ADAMTS5: variants seen among roughly 807,000 people sequenced by gnomAD.
ADAMTS5 encodes A disintegrin and metalloproteinase with thrombospondin motifs 5.
In ADAMTS5, 54 loss-of-function variants were observed where a neutral mutation model predicts 81.4. The observed-to-expected ratio is 0.66, with a 90% CI of 0.53 to 0.83. The LOEUF (loss-of-function observed/expected upper bound fraction) is 0.83. Ranked by LOEUF, ADAMTS5 falls within the 40% of genes least tolerant of loss-of-function variation. The probability of loss-of-function intolerance (pLI) is 0.00; values close to 1 mark genes in which losing one functional copy is unlikely to be tolerated. For missense variants in ADAMTS5, 1,194 were observed against 1,229.9 expected, an observed-to-expected ratio of 0.97 and a Z score of 0.44; for synonymous variants, 532 against 508.8, an observed-to-expected ratio of 1.05 and a Z score of -0.61.
chr21:26,967,058 C>T lies in ADAMTS5; in HGVS notation c.-667G>A, dbSNP rs914292725. Among the ~76,000 whole-genome samples, 1 of 152,260 alleles carries T rather than the reference C, an allele frequency of 6.6e-6. No homozygotes were observed. Among genetic ancestry groups the T allele is most frequent in the Non-Finnish European group, 1.5e-5 (1 of 68,048 alleles). ...GCCCGCCGTCATCCCCAGTCGGCAG[C>T]TGCGAGCGCCGAGAGCAGCGCGAGC... On this transcript the variant is annotated 5_prime_UTR_variant, in exon 1 of 8. Coordinates refer to ENST00000284987, the MANE Select transcript of ADAMTS5 (RefSeq NM_007038.5).
In ADAMTS5 at chr21:26,965,356, G is replaced by A. The variant is rs1156367965; in HGVS notation, c.1036C>T (p.His346Tyr). The change falls in exon 1 of 8, where the codon CAC (histidine) becomes TAC (tyrosine). Residue 346 changes from histidine to tyrosine, a missense_variant. His to Tyr is a moderately conservative substitution (Grantham distance 83). Transcript: ENST00000284987. ...TCATCTCCCAGCTGGTTGTGTTGGT[G>A]CTGCCACTTGCAAAAGTTCTTGAGT... is the stretch of plus-strand genomic sequence containing the variant. Reference protein sequence around the residue: ...TTLKNFCKWQHQHNQLGDDHE... With the variant: ...TTLKNFCKWQYQHNQLGDDHE... 1 of 1,614,132 alleles carries A rather than the reference G, an allele frequency of 6.2e-7. No homozygotes were observed. The highest frequency in any genetic ancestry group is 8.5e-7 in the Non-Finnish European group (1 of 1,180,048).
At chr21:26,927,726 T>C (rs1176819060) in intron 7 of ADAMTS5, among the ~76,000 whole-genome samples, 1 of 152,120 alleles carries the variant, frequency 6.6e-6, no homozygotes, top group African/African-American at 2.4e-5. Flanking sequence ...TAGCCATGGC[T>C]TCCCTTGCTT....
At chr21:26,945,903 G>A (rs1458510599) in intron 2 of ADAMTS5, among the ~76,000 whole-genome samples, 2 of 152,156 alleles carry the variant, frequency 1.3e-5, no homozygotes, top group Non-Finnish European at 1.5e-5. Context: ...ACTTTTGTAA[G>A]ATCTCCAAAA....
chr21:26,959,714 G>T (rs1373885846), intron 1 of ADAMTS5, among the ~76,000 whole-genome samples: 2 of 152,128 alleles, frequency 1.3e-5, no homozygotes, highest in Non-Finnish European at 1.5e-5. Context: ...TGGAAGCACT[G>T]GATAAGAAAA....
chr21:26,958,671 G>T (rs907212067), intron 1 of ADAMTS5, among the ~76,000 whole-genome samples: 3 of 152,170 alleles, frequency 2.0e-5, no homozygotes, highest in African/African-American at 7.2e-5. Context: ...CCTACAATCT[G>T]CCAGACACTG....
chr21:26,964,614 G>A (rs527834918), intron 1 of ADAMTS5, among the ~76,000 whole-genome samples: 1 of 152,270 alleles, frequency 6.6e-6, no homozygotes, highest in South Asian at 2.1e-4. Context: ...AGTTGTTAAG[G>A]AACCTCACAA....
chr21:26,918,048 A>G lies in ADAMTS5; in HGVS notation c.*6005T>C, dbSNP rs1361624036. 1 of 152,398 alleles carries G rather than the reference A, an allele frequency of 6.6e-6. No homozygotes were observed. Among genetic ancestry groups the G allele is most frequent in the Non-Finnish European group, 1.5e-5 (1 of 67,914 alleles). The allele number at this position is 152,398 out of a possible 1,614,324, so 9.4% of individuals were successfully genotyped here. A position where few individuals can be genotyped will look rare whatever the true frequency, so the allele number is the denominator to read the frequency against. ...TATTGTTCCTCAATGAAAATATTAC[A>G]GTATAGGTCCCAAACGGCTCAGTTC... On this transcript the variant is annotated 3_prime_UTR_variant, in exon 8 of 8. Coordinates refer to ENST00000284987, the MANE Select transcript of ADAMTS5 (RefSeq NM_007038.5).
At chr21:26,939,378 T>C (rs372134449) in intron 3 of ADAMTS5, among the ~76,000 whole-genome samples, 93 of 152,328 alleles carry the variant, frequency 6.1e-4, no homozygotes, top group African/African-American at 2.0e-3. Flanking sequence ...CACACTCTAT[T>C]AAAGAGCATA....
At chr21:26,958,552 C>A (rs557135374) in intron 1 of ADAMTS5, among the ~76,000 whole-genome samples, 42 of 152,318 alleles carry the variant, frequency 2.8e-4, no homozygotes, top group Non-Finnish European at 5.4e-4. Flanking sequence ...TTTATACAAT[C>A]TCTATCCTTG....
rs935999195 is a variant in ADAMTS5, at chr21:26,923,971, G to A, written c.*82C>T. ...GTCACTGAAGCATGACTTTCTGTGCGTTAGGTAGACCTCCTGTTCACCACG... is the reference window on the plus strand; with the variant it reads ...GTCACTGAAGCATGACTTTCTGTGCATTAGGTAGACCTCCTGTTCACCACG... On this transcript the variant is annotated 3_prime_UTR_variant, in exon 8 of 8. Coordinates refer to ENST00000284987, the MANE Select transcript of ADAMTS5 (RefSeq NM_007038.5). The A allele has an allele frequency of 5.0e-5, 69 of 1,388,600 alleles. No homozygotes were observed. In the East Asian group the frequency reaches 5.7e-4, roughly 11 times the overall value. 86.0% of individuals were successfully genotyped at this position (1,388,600 alleles called of 1,614,324 possible).
chr21:26,939,724 AT>A (rs1361190383), intron 3 of ADAMTS5: 4 of 152,248 alleles, frequency 2.6e-5, no homozygotes, highest in African/African-American at 9.6e-5. Context: ...AGACACAGCT[AT>A]CTTTTCTGGA....
intron 1 of ADAMTS5, among the ~76,000 whole-genome samples, chr21:26,961,269 G>A (rs1987525158): frequency 2.0e-5 from 3 of 152,250 alleles, no homozygotes; most frequent in Non-Finnish European, 2.9e-5. Flanking sequence ...TTGTAAAATA[G>A]TTTGTGGCCA....
At position 26,932,928 on chromosome 21, in the gene ADAMTS5, G is replaced by A. The variant is rs369966538; in HGVS notation, c.1806C>T (p.Asn602=). 9.1e-5 allele frequency: 147 copies of A among 1,613,930 alleles called. No homozygotes were observed. The highest frequency in any genetic ancestry group is 3.4e-4 in the South Asian group (31 of 91,064). ...RHCNNPAPRN[N]GRYCTGKRAI... is the part of the protein sequence containing the mutation. Reference sequence around the variant, plus strand: ...CCCTCTTCCCTGTGCAGTAGCGTCCGTTGTTTCTGGGAGCAGGGTTATTAC... The same window carrying A: ...CCCTCTTCCCTGTGCAGTAGCGTCCATTGTTTCTGGGAGCAGGGTTATTAC... The change falls in exon 5 of 8, where the codon AAC becomes AAT. Residue 602 remains asparagine (N), a synonymous_variant. Coordinates refer to ENST00000284987, the MANE Select transcript of ADAMTS5 (RefSeq NM_007038.5).
At chr21:26,943,167 A>G (rs1376394625) in intron 3 of ADAMTS5, among the ~76,000 whole-genome samples, 2 of 152,186 alleles carry the variant, frequency 1.3e-5, no homozygotes, top group Admixed American at 6.5e-5. Context: ...AAATTTTTCA[A>G]TTCAAAAGCC....
chr21:26,945,280 T>A (rs929591875), intron 2 of ADAMTS5, among the ~76,000 whole-genome samples: 4 of 152,208 alleles, frequency 2.6e-5, no homozygotes, highest in Non-Finnish European at 5.9e-5. Flanking sequence ...ATTTATCAGT[T>A]AACACTGAGG....
In ADAMTS5 at chr21:26,963,252, T is replaced by G. The variant is rs527598611; in HGVS notation, c.1104+2036A>C. Among the ~76,000 whole-genome samples, 163 of 152,118 alleles carry G rather than the reference T, an allele frequency of 1.1e-3. 2 individuals are homozygous for G. The highest frequency in any genetic ancestry group is 3.1e-3 in the African/African-American group (128 of 41,528). On this transcript the variant is annotated intron_variant, in intron 1 of 7. Transcript: ENST00000284987. The stretch of plus-strand genomic sequence containing the variant: ...CCTTGCTTTGTATCTATTTAAAATA[T>G]GCTGTTAAGTTTCAGACTTTGGAAA...
rs1385244731 is a variant in ADAMTS5 at position 26,924,197 on chromosome 21, T to C, written c.2649A>G (p.Pro883=). ...CACAGGTCCTAGAGCAGGCGAGCCA[T>C]GGGCCCGTGACCCACTGCGGCTGCG... is the stretch of plus-strand genomic sequence containing the variant. ...HTSQPQWVTG[P]WLACSRTCDT... The change falls in exon 8 of 8, where the codon CCA becomes CCG. Residue 883 remains proline (P), a synonymous_variant. Transcript: ENST00000284987. 11 of 1,614,102 alleles carry C rather than the reference T, an allele frequency of 6.8e-6. No individual in the cohort carries two copies. Among genetic ancestry groups the C allele is most frequent in the Non-Finnish European group, 9.3e-6 (11 of 1,180,034 alleles).
In ADAMTS5 at chr21:26,919,059, G is replaced by A. The variant is rs1986636666; in HGVS notation, c.*4994C>T. On this transcript the variant is annotated 3_prime_UTR_variant, in exon 8 of 8. Transcript: ENST00000284987. ...CCCTACCGTGACACAAAGCTTAGAGGTCTTTCTTGCAAACTGTAAAATCAT... is the reference window on the plus strand; with the variant it reads ...CCCTACCGTGACACAAAGCTTAGAGATCTTTCTTGCAAACTGTAAAATCAT... 1.3e-5 allele frequency: 2 copies of A among 151,846 alleles called. No individual in the cohort carries two copies. Among genetic ancestry groups the A allele is most frequent in the Admixed American group, 6.6e-5 (1 of 15,210 alleles). 9.4% of individuals were successfully genotyped at this position (151,846 alleles called of 1,614,324 possible).
chr21:26,920,696 A>G lies in ADAMTS5; in HGVS notation c.*3357T>C, dbSNP rs1986674344. 1 of 152,112 alleles carries G rather than the reference A, an allele frequency of 6.6e-6. No individual in the cohort carries two copies. Among genetic ancestry groups the G allele is most frequent in the Non-Finnish European group, 1.5e-5 (1 of 67,974 alleles). 9.4% of individuals were successfully genotyped at this position (152,112 alleles called of 1,614,324 possible). A position where few individuals can be genotyped will look rare whatever the true frequency, so the allele number is the denominator to read the frequency against. ...GTCTTAGCGTCTGTAGGAAGCTTCT[A>G]GGCTATTTGTGTACCCAAATTTAAA... is the stretch of plus-strand genomic sequence containing the variant. On this transcript the variant is annotated 3_prime_UTR_variant, in exon 8 of 8. Transcript: ENST00000284987.
Sources: gnomAD v4.1 joint callset for allele counts (sites outside exome capture counted in the v4.1 genomes callset) on GRCh38, gnomAD v4.1.1 for gene constraint, MANE v1.5 for transcripts, NCBI Gene and HGNC (gene_info 2026-07-23, HGNC 2026-07-21) for gene names.